CDKL3: variants seen among roughly 807,000 people sequenced by gnomAD.
CDKL3 encodes cyclin dependent kinase like 3.
In CDKL3, 65 loss-of-function variants were observed where a neutral mutation model predicts 69.3. The observed-to-expected ratio is 0.94, with a 90% CI of 0.77 to 1.15. The LOEUF is 1.15. Ranked by LOEUF, CDKL3 falls within the 50% of genes most tolerant of loss-of-function variation. The pLI is 0.00. For synonymous variants in CDKL3, 202 were observed against 221.6 expected (o/e 0.91, Z 0.79); for missense variants, 652 against 689.2 (o/e 0.95, Z 0.61).
chr5:134,350,496 T>C, intron 3 of CDKL3, 69 bp from the exon 4 acceptor site: 2 of 1,094,538 alleles, frequency 1.8e-6, no homozygotes, highest in Non-Finnish European at 2.6e-6. Flanking sequence ...TCAAAAATTA[T>C]ACTGAGAAAA....
At chr5:134,326,506 T>C (rs1774230868) in intron 4 of CDKL3, among the ~76,000 whole-genome samples, 1 of 151,924 alleles carries the variant, frequency 6.6e-6, no homozygotes, top group South Asian at 2.1e-4. Flanking sequence ...TCAGGAAAAG[T>C]AGATCCAAAA....
chr5:134,350,082 G>A (rs1752890783), intron 4 of CDKL3, among the ~76,000 whole-genome samples, 167 bp downstream of exon 4: 1 of 152,094 alleles, frequency 6.6e-6, no homozygotes, highest in African/African-American at 2.4e-5. Context: ...CAACTACTTG[G>A]GAGGCTGAAA....
intron 1 of CDKL3, 72 bp downstream of exon 1, chr5:134,366,905 T>C (rs1383686294): frequency 2.0e-6 from 2 of 1,000,508 alleles, no homozygotes; most frequent in African/African-American, 3.5e-5. Flanking sequence ...GTCGCCCACT[T>C]ATCAGGCCCA....
chr5:134,316,665 C>T (rs565307862), intron 6 of CDKL3, among the ~76,000 whole-genome samples: 11 of 151,650 alleles, frequency 7.3e-5, no homozygotes, highest in East Asian at 1.9e-4. Context: ...ATAATTCAAA[C>T]GTCCAAAAAT....
intron 4 of CDKL3, among the ~76,000 whole-genome samples, chr5:134,331,032 G>A (rs557760029): frequency 5.3e-5 from 8 of 152,274 alleles, no homozygotes; most frequent in Admixed American, 2.0e-4. Context: ...TTCTGCTCTC[G>A]TCTGCAGCTG....
At chr5:134,371,474 C>A (rs34835090), upstream of CDKL3, 240 of 786,348 alleles carry the variant, frequency 3.1e-4, 1 homozygote, top group African/African-American at 5.6e-3. Context: ...TTGTCAGTCT[C>A]GGCGGCGGCG....
chr5:134,333,794 G>C (rs1776378033), intron 4 of CDKL3, among the ~76,000 whole-genome samples: 1 of 152,156 alleles, frequency 6.6e-6, no homozygotes, highest in Non-Finnish European at 1.5e-5. Flanking sequence ...GTTTCTGCCA[G>C]GCTTTTGTAT....
downstream of CDKL3, among the ~76,000 whole-genome samples, chr5:134,284,373 A>T (rs567115742): frequency 6.6e-6 from 1 of 152,192 alleles, no homozygotes; most frequent in Non-Finnish European, 1.5e-5. Flanking sequence ...GGGGATACGA[A>T]CAGGGAGTAA....
intron 3 of CDKL3, among the ~76,000 whole-genome samples, chr5:134,359,540 C>A (rs1312940800): frequency 6.6e-6 from 1 of 151,972 alleles, no homozygotes; most frequent in Non-Finnish European, 1.5e-5. Context: ...TCTTGCTAAA[C>A]CTCCCTTTAT....
In CDKL3 at chr5:134,318,508, C is replaced by T. The variant is rs368823235; in HGVS notation, c.792+850G>A. Among the ~76,000 whole-genome samples, 262 of 151,942 alleles carry T rather than the reference C, an allele frequency of 1.7e-3. 1 individual carries two copies. The highest frequency in any genetic ancestry group is 5.9e-3 in the African/African-American group (245 of 41,466). On this transcript the variant is annotated intron_variant, in intron 6 of 12. Coordinates refer to ENST00000265334, the MANE Select transcript of CDKL3 (RefSeq NM_001113575.2). ...TTGTTTGTTTGTTGTTTTTTTGAGA[C>T]GGAGCCTCTCTCTGTCACCCACGCT... is the stretch of plus-strand genomic sequence containing the variant.
At chr5:134,294,649 A>G (rs1259920248), downstream of CDKL3, among the ~76,000 whole-genome samples, 3 of 152,006 alleles carry the variant, frequency 2.0e-5, no homozygotes, top group Non-Finnish European at 4.4e-5. Context: ...TAAACAAAGA[A>G]GATGAAGGAG....
intron 12 of CDKL3, among the ~76,000 whole-genome samples, chr5:134,299,182 C>T (rs1765718083): frequency 6.6e-6 from 1 of 152,208 alleles, no homozygotes; most frequent in South Asian, 2.1e-4. Flanking sequence ...AATTTCCATC[C>T]TTTTAAACAA....
chr5:134,365,422 A>G (rs2149673115), intron 2 of CDKL3, among the ~76,000 whole-genome samples: 1 of 150,898 alleles, frequency 6.6e-6, no homozygotes, highest in East Asian at 1.9e-4. Context: ...ACCCGGCCTC[A>G]TGTCTTTTTT....
intron 3 of CDKL3, among the ~76,000 whole-genome samples, chr5:134,355,255 AACAGAT>A (rs1231200036): frequency 2.6e-5 from 4 of 151,848 alleles, no homozygotes; most frequent in African/African-American, 9.7e-5. Context: ...AAAAAAAAAA[AACAGAT>A]ATAGTTCTTT....
intron 4 of CDKL3, among the ~76,000 whole-genome samples, chr5:134,344,037 C>T (rs1200214129): frequency 6.6e-6 from 1 of 152,090 alleles, no homozygotes; most frequent in Non-Finnish European, 1.5e-5. Flanking sequence ...GAGCCCAACA[C>T]CATAATGGGG....
At chr5:134,329,636 ATT>A (rs1255301537) in intron 4 of CDKL3, among the ~76,000 whole-genome samples, 6 of 151,392 alleles carry the variant, frequency 4.0e-5, no homozygotes, top group African/African-American at 1.5e-4. Context: ...CGCCCGGCTA[ATT>A]TTTTGTATTT....
intron 4 of CDKL3, among the ~76,000 whole-genome samples, chr5:134,326,487 G>A (rs985878962): frequency 4.6e-5 from 7 of 151,854 alleles, no homozygotes; most frequent in Admixed American, 3.9e-4. Flanking sequence ...TATTAGACTC[G>A]AGCCTTGATC....
At chr5:134,327,873 C>T (rs1220347460) in intron 4 of CDKL3, among the ~76,000 whole-genome samples, 1 of 152,154 alleles carries the variant, frequency 6.6e-6, no homozygotes, top group Admixed American at 6.5e-5. Context: ...ACTGTCATCT[C>T]AGAGTGACTG....
intron 4 of CDKL3, among the ~76,000 whole-genome samples, chr5:134,349,044 T>C (rs897531953): frequency 1.3e-5 from 2 of 152,176 alleles, no homozygotes; most frequent in Non-Finnish European, 2.9e-5. Flanking sequence ...TAAGCAGCTA[T>C]GTGACTTCAG....
Sources: gnomAD v4.1 joint callset for allele counts (sites outside exome capture counted in the v4.1 genomes callset) on GRCh38, gnomAD v4.1.1 for gene constraint, MANE v1.5 for transcripts, NCBI Gene and HGNC (gene_info 2026-07-23, HGNC 2026-07-21) for gene names.